The following ATG16L2 variants were observed in gnomAD, a reference collection of about 807,000 sequenced individuals.
The protein encoded by ATG16L2 is autophagy related 16 like 2.
Under a neutral mutation model 84.7 loss-of-function variants are expected in ATG16L2, and 77 were observed. The ratio of observed to expected loss-of-function variants is 0.91; its 90% CI spans 0.76 to 1.10. The LOEUF (loss-of-function observed/expected upper bound fraction) is 1.10. Ranked by LOEUF, ATG16L2 falls within the 50% of genes least tolerant of loss-of-function variation. ATG16L2 has a pLI of 0.00. For missense variants in ATG16L2, 782 were observed against 817.6 expected (o/e 0.96, Z 0.53); for synonymous variants, 361 against 342.8 (o/e 1.05, Z -0.59).
At position 72,822,989 on chromosome 11, in the gene ATG16L2, C is replaced by T; in HGVS notation, c.824+28C>T. 2.0e-6 allele frequency: 3 copies of T among 1,498,640 alleles called. No individual in the cohort carries two copies. In the South Asian group the frequency reaches 3.6e-5, roughly 18 times the overall value. 92.8% of individuals were successfully genotyped at this position (1,498,640 alleles called of 1,614,324 possible). ...GAGGACCCAGGTGACAGTCTCAGAGCTCTGAGCTGAGCCCCACCCCAGAGG... is the reference window on the plus strand; with the variant it reads ...GAGGACCCAGGTGACAGTCTCAGAGTTCTGAGCTGAGCCCCACCCCAGAGG... On this transcript the variant is annotated intron_variant, in intron 7 of 17. Transcript: ENST00000321297. This position sits in a 1 kb window ranked among gnomAD's most constrained non-coding sequence, Gnocchi z 4.2.
At chr11:72,829,638 G>A, downstream of ATG16L2, 1 of 1,307,732 alleles carries the variant, frequency 7.6e-7, no homozygotes, top group Non-Finnish European at 9.8e-7. Flanking sequence ...TATCTGAACT[G>A]CGTCTGCCTA....
intron 8 of ATG16L2, 118 bp from the exon 9 acceptor site, chr11:72,824,616 C>A (rs1377027139): frequency 1.3e-6 from 1 of 769,194 alleles, no homozygotes; most frequent in South Asian, 1.5e-5. Context: ...CTCCTTGGGG[C>A]CATGTTCTGC....
chr11:72,832,231 C>G (rs1004997673), downstream of ATG16L2, among the ~76,000 whole-genome samples: 1 of 152,228 alleles, frequency 6.6e-6, no homozygotes, highest in African/African-American at 2.4e-5. Flanking sequence ...TGACTGATCT[C>G]TGGGACAGTG....
intron 4 of ATG16L2, 54 bp from the exon 5 acceptor site, chr11:72,821,990 T>G (rs2135094089): frequency 2.1e-6 from 3 of 1,456,062 alleles, no homozygotes; most frequent in Non-Finnish European, 2.7e-6. Context: ...ATATTCCCAC[T>G]GGGCAGTGAC....
At chr11:72,843,018 TG>T in exon 6 of ATG16L2, 1 of 959,204 alleles carries the variant, frequency 1.0e-6, no homozygotes. Flanking sequence ...AGGACAAACG[TG>T]ACCATATAAA....
chr11:72,820,639 T>A (rs1230685943), intron 3 of ATG16L2, among the ~76,000 whole-genome samples: 1 of 152,136 alleles, frequency 6.6e-6, no homozygotes, highest in Non-Finnish European at 1.5e-5. Flanking sequence ...ACATAGCGCG[T>A]CATGTCAGTG....
At chr11:72,840,549 GA>G (rs1406516290) in intron 5 of ATG16L2, among the ~76,000 whole-genome samples, 2 of 152,176 alleles carry the variant, frequency 1.3e-5, no homozygotes. Context: ...TAGAGGCCTG[GA>G]AAATTAAATG....
In ATG16L2 at chr11:72,828,485, C is replaced by T; in HGVS notation, c.1599C>T (p.Val533=). The part of the protein sequence containing the change: ...DNTLKVIDLR[V]SNIRQVFRAD... ...CACTCAAGGTCATCGACCTGCGTGTCAGCAACATCCGCCAGGTGTTCAGGT... is the reference window on the plus strand; with the variant it reads ...CACTCAAGGTCATCGACCTGCGTGTTAGCAACATCCGCCAGGTGTTCAGGT... Residue 533 remains valine, a synonymous_variant, in exon 15 of 18, where the codon GTC becomes GTT. Coordinates refer to ENST00000321297, the MANE Select transcript of ATG16L2 (RefSeq NM_033388.2). 6.2e-7 allele frequency: 1 copy of T among 1,614,188 alleles called. No individual in the cohort carries two copies. Among genetic ancestry groups the T allele is most frequent in the Non-Finnish European group, 8.5e-7 (1 of 1,180,048 alleles).
At chr11:72,843,544 G>C (rs756887749) in exon 6 of ATG16L2, 5 of 1,601,590 alleles carry the variant, frequency 3.1e-6, no homozygotes, top group South Asian at 2.2e-5. Flanking sequence ...TGCAGTGTAG[G>C]ATGGTCATGG....
At chr11:72,838,573 A>C in intron 5 of ATG16L2, 1 of 573,720 alleles carries the variant, frequency 1.7e-6, no homozygotes, top group Non-Finnish European at 3.1e-6. Flanking sequence ...GATTTGTGCT[A>C]TGGTAGGAGA....
intron 11 of ATG16L2, 91 bp from the exon 12 acceptor site, chr11:72,826,427 G>T: frequency 6.5e-7 from 1 of 1,547,114 alleles, no homozygotes. Flanking sequence ...TGGGCCGTGG[G>T]AAACTGTGAG....
chr11:72,817,406 A>G (rs1263242871), intron 2 of ATG16L2, among the ~76,000 whole-genome samples: 1 of 152,140 alleles, frequency 6.6e-6, no homozygotes, highest in Non-Finnish European at 1.5e-5. Flanking sequence ...TTTTTAGTAG[A>G]GACGGGGTTT....
At position 72,828,566 on chromosome 11, in the gene ATG16L2, T is replaced by C. The variant is rs901986432; in HGVS notation, c.1622+58T>C. The C allele has an allele frequency of 3.7e-6, 6 of 1,609,570 alleles. No individual in the cohort carries two copies. The East Asian group carries it at 8.9e-5, about 24-fold the overall frequency. On this transcript the variant is annotated intron_variant, in intron 15 of 17. Coordinates refer to ENST00000321297, the MANE Select transcript of ATG16L2 (RefSeq NM_033388.2). ...TTTGCTGGGACAGCTGAGCCTCTCTTCTCCTGTAATAGACCCTCTTGGAGC... is the reference window on the plus strand; with the variant it reads ...TTTGCTGGGACAGCTGAGCCTCTCTCCTCCTGTAATAGACCCTCTTGGAGC...
chr11:72,817,349 C>T (rs1859753913), intron 2 of ATG16L2, among the ~76,000 whole-genome samples: 1 of 152,056 alleles, frequency 6.6e-6, no homozygotes, highest in Non-Finnish European at 1.5e-5. Flanking sequence ...AATTCTCCTG[C>T]CTCAGCCTCC....
intron 3 of ATG16L2, chr11:72,821,448 G>C (rs1221123636): frequency 1.4e-6 from 2 of 1,380,744 alleles, no homozygotes; most frequent in Non-Finnish European, 1.9e-6. Context: ...GCACGGCGAG[G>C]ATTGGGACCC....
intron 3 of ATG16L2, chr11:72,821,417 G>A: frequency 7.6e-7 from 1 of 1,317,904 alleles, no homozygotes; most frequent in Non-Finnish European, 9.7e-7. Flanking sequence ...GTTCCTAGTA[G>A]GGTCGCAGAG....
downstream of ATG16L2, chr11:72,829,675 G>C (rs1468128972): frequency 8.5e-7 from 1 of 1,170,228 alleles, no homozygotes; most frequent in African/African-American, 1.6e-5. Flanking sequence ...ATGGTACAGA[G>C]ACCTTTGGGC....
At chr11:72,825,468 A>G in intron 10 of ATG16L2, 61 bp downstream of exon 10, 1 of 1,301,650 alleles carries the variant, frequency 7.7e-7, no homozygotes. Context: ...TCCTCAGCTC[A>G]CTCCTTGGTG....
rs1262868699 is a variant in ATG16L2, at chr11:72,825,158, C to CA, written c.997-143dup. ...ACCTGGTGGGGCCGGGTTTGAAACT[C>CA]AGAGTGTGGACAGAGAAACTGGGGA... On this transcript the variant is annotated intron_variant, in intron 9 of 17. Coordinates refer to ENST00000321297, the MANE Select transcript of ATG16L2 (RefSeq NM_033388.2). The CA allele has an allele frequency of 7.2e-5, 48 of 671,326 alleles. 1 individual carries two copies. Among genetic ancestry groups the CA allele is most frequent in the African/African-American group, 2.9e-4 (16 of 55,494 alleles). The allele number at this position is 671,326 out of a possible 1,614,324, so 41.6% of individuals were successfully genotyped here.
Sources: gnomAD v4.1 joint callset for allele counts (sites outside exome capture counted in the v4.1 genomes callset) on GRCh38, gnomAD v4.1.1 for gene constraint, Gnocchi (gnomAD v3.1) non-coding constraint, MANE v1.5 for transcripts, NCBI Gene and HGNC (gene_info 2026-07-23, HGNC 2026-07-21) for gene names.